SLC39A8: variants seen among roughly 807,000 people sequenced by gnomAD.
SLC39A8 encodes metal cation symporter ZIP8.
Under a neutral mutation model 40.4 loss-of-function variants are expected in SLC39A8, and 15 were observed. The ratio of observed to expected loss-of-function variants is 0.37; its 90% CI spans 0.25 to 0.57. The LOEUF is 0.57. SLC39A8 is among the 20% of genes least tolerant of loss of function. The pLI, the probability that SLC39A8 is intolerant of heterozygous loss-of-function variation, is 0.75. For synonymous variants in SLC39A8, 223 were observed against 221.6 expected, an observed-to-expected ratio of 1.01 and a Z score of -0.06; for missense variants, 472 against 558.8, an observed-to-expected ratio of 0.84 and a Z score of 1.57.
intron 6 of SLC39A8, among the ~76,000 whole-genome samples, chr4:102,281,553 G>A (rs1011544868): frequency 1.3e-5 from 2 of 152,100 alleles, no homozygotes; most frequent in African/African-American, 4.8e-5. Flanking sequence ...AGTGGTAAGA[G>A]GCAAAGAAAT....
At chr4:102,308,517 T>A (rs1179982005) in intron 3 of SLC39A8, among the ~76,000 whole-genome samples, 3 of 152,086 alleles carry the variant, frequency 2.0e-5, no homozygotes, top group Non-Finnish European at 4.4e-5. Context: ...GGGGCTGGTG[T>A]AAGGACAAAA....
intron 6 of SLC39A8, among the ~76,000 whole-genome samples, chr4:102,292,556 C>T (rs185386006): frequency 2.6e-5 from 4 of 152,128 alleles, no homozygotes; most frequent in South Asian, 4.1e-4. Flanking sequence ...CTTCAAGAAA[C>T]CCCACTGCAT....
In SLC39A8 at chr4:102,253,550, CT is replaced by C. The variant is rs1399349421; in HGVS notation, c.*299-121del. ...CCTTTTTCCTAATCACATCTATTAG[CT>C]TTTTTAGAATACATGTTCATTGAAG... On this transcript the variant is annotated intron_variant and NMD_transcript_variant, in intron 11 of 11. Transcript: ENST00000424970. 11 of 501,206 alleles carry C rather than the reference CT, an allele frequency of 2.2e-5. No homozygotes were observed. In the Admixed American group the frequency reaches 3.7e-4, roughly 17 times the overall value. The allele number at this position is 501,206 out of a possible 1,614,324, so 31.0% of individuals were successfully genotyped here.
chr4:102,257,049 A>C (rs568429100), downstream of SLC39A8, among the ~76,000 whole-genome samples: 13 of 152,346 alleles, frequency 8.5e-5, no homozygotes, highest in African/African-American at 2.9e-4. Flanking sequence ...TAGGTACGGA[A>C]ATTGAGAATA....
chr4:102,310,155 T>G (rs1032304007), intron 3 of SLC39A8, among the ~76,000 whole-genome samples: 12 of 151,996 alleles, frequency 7.9e-5, no homozygotes, highest in African/African-American at 2.7e-4. Flanking sequence ...AACCGAGCTT[T>G]ACCTTTACAC....
chr4:102,260,033 T>C (rs370158357), downstream of SLC39A8, among the ~76,000 whole-genome samples: 46 of 152,314 alleles, frequency 3.0e-4, no homozygotes, highest in Middle Eastern at 3.4e-3. Flanking sequence ...GCAGAGAAAC[T>C]ATAATGACAA....
intron 3 of SLC39A8, among the ~76,000 whole-genome samples, chr4:102,307,931 C>G (rs1560552402): frequency 6.6e-6 from 1 of 151,722 alleles, no homozygotes; most frequent in Admixed American, 6.6e-5. Flanking sequence ...CTCCAAGCCA[C>G]CTAGTTTCAT....
intron 6 of SLC39A8, among the ~76,000 whole-genome samples, chr4:102,303,259 G>T (rs1308395311): frequency 6.6e-6 from 1 of 151,922 alleles, no homozygotes; most frequent in East Asian, 1.9e-4. Flanking sequence ...AATGAGAATT[G>T]TTGTAGACAC....
At chr4:102,290,081 T>C (rs1052385059) in intron 6 of SLC39A8, among the ~76,000 whole-genome samples, 6 of 151,142 alleles carry the variant, frequency 4.0e-5, no homozygotes, top group African/African-American at 1.5e-4. Context: ...TTAAAATACT[T>C]CCACAGTCAC....
intron 6 of SLC39A8, among the ~76,000 whole-genome samples, chr4:102,274,407 CAATG>C (rs1207588829): frequency 6.6e-6 from 1 of 151,918 alleles, no homozygotes; most frequent in Non-Finnish European, 1.5e-5. Context: ...AGAGAAAAAA[CAATG>C]AAGAGGAACA....
chr4:102,292,137 A>G (rs1195307370), intron 6 of SLC39A8, among the ~76,000 whole-genome samples: 2 of 152,032 alleles, frequency 1.3e-5, no homozygotes, highest in Admixed American at 6.6e-5. Context: ...CATAGTGACC[A>G]TAGTTAATGA....
At chr4:102,259,346 A>G (rs537260458), downstream of SLC39A8, 201 of 723,594 alleles carry the variant, frequency 2.8e-4, 2 homozygotes, top group South Asian at 3.6e-3. Context: ...CAGTTGGTCT[A>G]TACTGTTGTG....
intron 6 of SLC39A8, among the ~76,000 whole-genome samples, chr4:102,284,195 C>A (rs1335034486): frequency 6.6e-6 from 1 of 152,132 alleles, no homozygotes; most frequent in Non-Finnish European, 1.5e-5. Flanking sequence ...ATCCATCACC[C>A]AAATAAAGTA....
At chr4:102,312,768 C>A (rs1271668786) in intron 3 of SLC39A8, among the ~76,000 whole-genome samples, 1 of 152,044 alleles carries the variant, frequency 6.6e-6, no homozygotes, top group African/African-American at 2.4e-5. Flanking sequence ...TTAATCTTTA[C>A]AGCAAGCCCA....
intron 2 of SLC39A8, among the ~76,000 whole-genome samples, chr4:102,323,232 A>G (rs548615885): frequency 3.3e-5 from 5 of 152,332 alleles, no homozygotes; most frequent in African/African-American, 1.2e-4. Context: ...TTATTCATTA[A>G]CTGAACAGGT....
intron 8 of SLC39A8, among the ~76,000 whole-genome samples, chr4:102,266,092 T>C (rs922451762): frequency 6.6e-6 from 1 of 152,240 alleles, no homozygotes; most frequent in African/African-American, 2.4e-5. Context: ...ATAGCATTTT[T>C]TATTATTTGT....
intron 6 of SLC39A8, among the ~76,000 whole-genome samples, chr4:102,287,597 C>A (rs1733239633): frequency 6.6e-6 from 1 of 152,116 alleles, no homozygotes; most frequent in Non-Finnish European, 1.5e-5. Flanking sequence ...AACATAGTAA[C>A]TTGCATATGC....
intron 2 of SLC39A8, among the ~76,000 whole-genome samples, chr4:102,342,189 T>C (rs1199738595): frequency 6.6e-6 from 1 of 152,234 alleles, no homozygotes; most frequent in Non-Finnish European, 1.5e-5. Flanking sequence ...CCAATGATTA[T>C]TGTCATCATT....
At chr4:102,295,709 AT>A (rs1733652926) in intron 6 of SLC39A8, among the ~76,000 whole-genome samples, 1 of 151,932 alleles carries the variant, frequency 6.6e-6, no homozygotes, top group Non-Finnish European at 1.5e-5. Flanking sequence ...TGTTTGTTTT[AT>A]TTTTTAATGA....
Sources: allele counts gnomAD v4.1 joint callset (sites outside exome capture counted in the v4.1 genomes callset), GRCh38; gene constraint gnomAD v4.1.1; transcripts MANE v1.5; gene names NCBI Gene and HGNC (gene_info 2026-07-23, HGNC 2026-07-21).